Variants in LIN28B observed in about 807,000 individuals in gnomAD.
LIN28B encodes the protein lin-28 RNA binding posttranscriptional regulator B, also known as protein lin-28 homolog B.
A neutral mutation model predicts 21.9 loss-of-function variants in LIN28B; 5 were observed. That is an observed-to-expected ratio of 0.23 (90% confidence interval 0.12 to 0.48). LIN28B has a LOEUF of 0.48. Among genes scored for constraint, LIN28B ranks in the 20% least tolerant of loss-of-function variants. The pLI is 0.98. For synonymous variants in LIN28B, 109 were observed against 111.3 expected (o/e 0.98, Z 0.13); for missense variants, 245 against 310.5 (o/e 0.79, Z 1.58).
At chr6:104,991,592 C>G (rs1189776064) in intron 2 of LIN28B, among the ~76,000 whole-genome samples, 1 of 152,084 alleles carries the variant, frequency 6.6e-6, no homozygotes, top group Non-Finnish European at 1.5e-5. Flanking sequence ...AGAGACGCTC[C>G]TCACTTCCCA....
intron 3 of LIN28B, among the ~76,000 whole-genome samples, chr6:104,951,046 T>C (rs1469478117): frequency 6.6e-6 from 1 of 152,204 alleles, no homozygotes; most frequent in African/African-American, 2.4e-5. Context: ...CAGAATTTGC[T>C]CCTCGTTTTC....
intron 2 of LIN28B, among the ~76,000 whole-genome samples, chr6:104,967,616 T>C (rs938543520): frequency 5.3e-5 from 8 of 149,872 alleles, no homozygotes; most frequent in Middle Eastern, 3.5e-3. Flanking sequence ...AAGAAATTTA[T>C]TGAATTTCTG....
chr6:105,033,313 A>T (rs1771462872), intron 3 of LIN28B, among the ~76,000 whole-genome samples: 1 of 152,108 alleles, frequency 6.6e-6, no homozygotes, highest in Non-Finnish European at 1.5e-5. Context: ...TCCAAATATG[A>T]TTTCATCACT....
intron 2 of LIN28B, chr6:104,950,383 T>C: frequency 1.3e-6 from 1 of 771,742 alleles, no homozygotes; most frequent in Non-Finnish European, 1.8e-6. Flanking sequence ...TTTATTGCTT[T>C]CTAATGGCCA....
chr6:104,999,864 G>A (rs1441387069), intron 2 of LIN28B, among the ~76,000 whole-genome samples: 2 of 152,032 alleles, frequency 1.3e-5, no homozygotes, highest in African/African-American at 4.8e-5. Context: ...GTTTTTATTA[G>A]AGACGGGGTT....
At chr6:105,023,970 TTTTG>T (rs1416051519) in intron 2 of LIN28B, among the ~76,000 whole-genome samples, 5 of 150,580 alleles carry the variant, frequency 3.3e-5, no homozygotes, top group Non-Finnish European at 7.4e-5. Context: ...AGTGATAGAG[TTTTG>T]TTTGTTTGTT....
At chr6:104,990,769 C>T (rs6935925) in intron 2 of LIN28B, among the ~76,000 whole-genome samples, 6 of 151,784 alleles carry the variant, frequency 4.0e-5, no homozygotes, top group African/African-American at 1.2e-4. Context: ...TGACTCTTAA[C>T]GAGCATGCTG....
At chr6:105,049,994 C>T (rs1177337419) in intron 3 of LIN28B, among the ~76,000 whole-genome samples, 4 of 152,098 alleles carry the variant, frequency 2.6e-5, no homozygotes, top group Non-Finnish European at 4.4e-5. Flanking sequence ...GCATTTAGCC[C>T]ATTTACATTT....
At chr6:105,019,157 A>G (rs1582898920) in intron 2 of LIN28B, among the ~76,000 whole-genome samples, 1 of 152,286 alleles carries the variant, frequency 6.6e-6, no homozygotes, top group South Asian at 2.1e-4. Context: ...TATGTTGGCC[A>G]GGCTGGTCTT....
At chr6:104,952,196 CATT>C (rs1778228061), upstream of LIN28B, among the ~76,000 whole-genome samples, 1 of 152,130 alleles carries the variant, frequency 6.6e-6, no homozygotes. Flanking sequence ...AGTATATTAA[CATT>C]ATTTAGTGTT....
chr6:104,983,201 A>G (rs1209711147), intron 2 of LIN28B, among the ~76,000 whole-genome samples: 1 of 152,236 alleles, frequency 6.6e-6, no homozygotes, highest in African/African-American at 2.4e-5. Context: ...TAAAAATGGC[A>G]TAACAGATGA....
At chr6:105,059,719 A>G (rs1342695952) in intron 3 of LIN28B, among the ~76,000 whole-genome samples, 1 of 152,174 alleles carries the variant, frequency 6.6e-6, no homozygotes, top group African/African-American at 2.4e-5. Flanking sequence ...AATGTATGAC[A>G]ATACTATTTG....
chr6:105,011,103 T>A (rs1770914028), intron 2 of LIN28B, among the ~76,000 whole-genome samples: 1 of 152,216 alleles, frequency 6.6e-6, no homozygotes, highest in South Asian at 2.1e-4. Flanking sequence ...ATGTTTATAA[T>A]ATGCTAATAG....
chr6:105,047,491 G>A lies in LIN28B; in HGVS notation c.383+21009G>A, dbSNP rs186743686. On this transcript the variant is annotated intron_variant, in intron 3 of 3. Coordinates refer to ENST00000345080, the MANE Select transcript of LIN28B (RefSeq NM_001004317.4). The stretch of plus-strand genomic sequence containing the variant: ...TGTTCTTTTGGCTTAGGGTTATCTT[G>A]GCAATGAGGGCCCTTTTTTGGTTCC... Among the ~76,000 whole-genome samples the A allele has an allele frequency of 2.6e-5, 4 of 152,228 alleles. No individual in the cohort carries two copies. In the East Asian group the frequency reaches 7.7e-4, roughly 29 times the overall value.
chr6:104,965,207 T>C (rs765768501), intron 2 of LIN28B, among the ~76,000 whole-genome samples: 33 of 152,244 alleles, frequency 2.2e-4, no homozygotes, highest in Non-Finnish European at 4.3e-4. Flanking sequence ...TATAGTTTTG[T>C]GGCATTGAAT....
At chr6:104,980,121 ATACTT>A (rs1477589092) in intron 2 of LIN28B, among the ~76,000 whole-genome samples, 1 of 152,180 alleles carries the variant, frequency 6.6e-6, no homozygotes, top group African/African-American at 2.4e-5. Flanking sequence ...TCTGTTAACT[ATACTT>A]AGAGATCAGT....
chr6:105,059,036 G>C (rs9377686), intron 3 of LIN28B, among the ~76,000 whole-genome samples: 20,027 of 151,982 alleles, frequency 0.13, 1,807 homozygotes, highest in East Asian at 0.37. Context: ...TGATACTGGC[G>C]CTATGGTTTA....
At chr6:105,042,022 C>T (rs969981506) in intron 3 of LIN28B, among the ~76,000 whole-genome samples, 2 of 152,160 alleles carry the variant, frequency 1.3e-5, no homozygotes, top group Non-Finnish European at 2.9e-5. Context: ...CAGCAATTCT[C>T]ACAAAAGTTC....
chr6:105,026,452 C>T lies in LIN28B; in HGVS notation c.353C>T (p.Thr118Ile), dbSNP rs772405783. 83 of 1,593,606 alleles carry T rather than the reference C, an allele frequency of 5.2e-5. No individual in the cohort carries two copies. Among genetic ancestry groups the T allele is most frequent in the Non-Finnish European group, 6.8e-5 (80 of 1,173,372 alleles). Reference sequence around the variant, plus strand: ...AGTGAAAGAAGACCCAAAGGGAAGACACTACAGAAAAGAAAACCAAAGGGA... The same window carrying T: ...AGTGAAAGAAGACCCAAAGGGAAGATACTACAGAAAAGAAAACCAAAGGGA... ...LGSERRPKGK[T>I]LQKRKPKGDR... The change falls in exon 3 of 4, where the codon ACA (threonine) becomes ATA (isoleucine). Residue 118 changes from threonine to isoleucine, a missense_variant. Transcript: ENST00000345080.
Sources: allele counts gnomAD v4.1 joint callset (sites outside exome capture counted in the v4.1 genomes callset), GRCh38; gene constraint gnomAD v4.1.1; transcripts MANE v1.5; gene names NCBI Gene and HGNC (gene_info 2026-07-23, HGNC 2026-07-21).